Variants in LRMDA observed in about 807,000 individuals in gnomAD.
LRMDA encodes the protein leucine rich melanocyte differentiation associated, also known as leucine-rich melanocyte differentiation-associated protein.
A neutral mutation model predicts 29.8 loss-of-function variants in LRMDA; 18 were observed. The observed-to-expected ratio is 0.60, with a 90% CI of 0.42 to 0.90. LRMDA has a LOEUF of 0.90. Among genes scored for constraint, LRMDA ranks in the 40% least tolerant of loss-of-function variants. The pLI, the probability that LRMDA is intolerant of heterozygous loss-of-function variation, is 0.00. For synonymous variants in LRMDA, 125 were observed against 109.4 expected (o/e 1.14, Z -0.89); for missense variants, 273 against 273.9 (o/e 1.00, Z 0.02).
chr10:76,017,275 C>T (rs1303534566), intron 2 of LRMDA, among the ~76,000 whole-genome samples: 1 of 152,186 alleles, frequency 6.6e-6, no homozygotes, highest in Non-Finnish European at 1.5e-5. Context: ...TAGGCTGGGG[C>T]AGACGCCATG....
At position 76,492,386 on chromosome 10, in the gene LRMDA, G is replaced by A. The variant is rs914511964; in HGVS notation, c.602-64823G>A. ...ATGAGATTTGAGTGTTGTAATCTAA[G>A]CCATATCTACATTAAGGAACACGCC... On this transcript the variant is annotated intron_variant, in intron 6 of 6. Coordinates refer to ENST00000611255, the MANE Select transcript of LRMDA (RefSeq NM_001305581.2). Among the ~76,000 whole-genome samples, 5 of 152,094 alleles carry A rather than the reference G, an allele frequency of 3.3e-5. No homozygotes were observed. In the East Asian group the frequency reaches 9.8e-4, roughly 30 times the overall value.
At chr10:75,977,159 A>C (rs1847088369) in intron 2 of LRMDA, among the ~76,000 whole-genome samples, 1 of 149,918 alleles carries the variant, frequency 6.7e-6, no homozygotes, top group African/African-American at 2.5e-5. Flanking sequence ...AGAGAAGAGA[A>C]TTGTGGGAAA....
At chr10:76,076,955 C>T (rs1848970680) in intron 5 of LRMDA, among the ~76,000 whole-genome samples, 1 of 152,184 alleles carries the variant, frequency 6.6e-6, no homozygotes, top group Non-Finnish European at 1.5e-5. Flanking sequence ...GTTTACTTTT[C>T]TTTGTGCTCC....
chr10:75,823,406 G>A (rs1165268092), intron 2 of LRMDA, among the ~76,000 whole-genome samples: 2 of 152,050 alleles, frequency 1.3e-5, no homozygotes, highest in Non-Finnish European at 2.9e-5. Context: ...AACACAATGA[G>A]ATACCATCTT....
intron 2 of LRMDA, among the ~76,000 whole-genome samples, chr10:75,496,631 A>T (rs1276464294): frequency 6.6e-6 from 1 of 152,100 alleles, no homozygotes; most frequent in African/African-American, 2.4e-5. Flanking sequence ...TTTATGTGAG[A>T]TGGGTATACC....
intron 6 of LRMDA, among the ~76,000 whole-genome samples, chr10:76,519,526 A>G (rs781465494): frequency 2.0e-5 from 3 of 152,210 alleles, no homozygotes; most frequent in Non-Finnish European, 4.4e-5. Context: ...TATGTTTGGC[A>G]GGGAGAAGGA....
At chr10:76,146,308 A>G (rs1445412311) in intron 5 of LRMDA, among the ~76,000 whole-genome samples, 1 of 151,888 alleles carries the variant, frequency 6.6e-6, no homozygotes, top group Non-Finnish European at 1.5e-5. Context: ...GTCTCCCATT[A>G]TTAATGTGTG....
chr10:76,487,923 T>C (rs1383122634), intron 6 of LRMDA, among the ~76,000 whole-genome samples: 1 of 151,890 alleles, frequency 6.6e-6, no homozygotes, highest in Non-Finnish European at 1.5e-5. Flanking sequence ...TCCTTATTTC[T>C]AAATTAAGGA....
chr10:76,387,514 G>A (rs1357456826), intron 6 of LRMDA, among the ~76,000 whole-genome samples: 1 of 151,868 alleles, frequency 6.6e-6, no homozygotes. Context: ...GAGGCAGGAG[G>A]CTAGATTGAG....
intron 5 of LRMDA, among the ~76,000 whole-genome samples, chr10:76,145,217 G>T (rs1414752263): frequency 2.0e-5 from 3 of 152,198 alleles, no homozygotes; most frequent in Non-Finnish European, 2.9e-5. Context: ...AATGAGTTAG[G>T]GAGGATTCCC....
intron 2 of LRMDA, among the ~76,000 whole-genome samples, chr10:75,512,889 G>C (rs1845241954): frequency 6.6e-6 from 1 of 152,068 alleles, no homozygotes; most frequent in Non-Finnish European, 1.5e-5. Context: ...TACCCTACTT[G>C]TTAAACAAAA....
At chr10:76,337,052 G>A (rs1840978370) in intron 6 of LRMDA, among the ~76,000 whole-genome samples, 2 of 152,122 alleles carry the variant, frequency 1.3e-5, no homozygotes, top group South Asian at 4.1e-4. Context: ...ATAGGGCAGT[G>A]AATGTTGGCA....
intron 2 of LRMDA, among the ~76,000 whole-genome samples, chr10:75,530,269 GA>G (rs113474130): frequency 0.021 from 3,098 of 144,538 alleles, 83 homozygotes; most frequent in African/African-American, 0.061. Flanking sequence ...TTTAGAATTT[GA>G]AAAAAAAAAA....
chr10:75,677,474 T>A (rs191645677), intron 2 of LRMDA, among the ~76,000 whole-genome samples: 2 of 152,312 alleles, frequency 1.3e-5, no homozygotes, highest in Admixed American at 1.3e-4. Flanking sequence ...TGTTATTTCA[T>A]TTTTTAAAAA....
intron 2 of LRMDA, among the ~76,000 whole-genome samples, chr10:75,500,425 T>A (rs1282773812): frequency 1.3e-5 from 2 of 152,178 alleles, no homozygotes; most frequent in Non-Finnish European, 2.9e-5. Context: ...CAAGCAAGGG[T>A]CTCATAGCTG....
chr10:75,559,133 T>G (rs1265850988), intron 2 of LRMDA, among the ~76,000 whole-genome samples: 1 of 152,106 alleles, frequency 6.6e-6, no homozygotes, highest in African/African-American at 2.4e-5. Context: ...GTTGAACTAG[T>G]TTACAGTCCC....
intron 6 of LRMDA, among the ~76,000 whole-genome samples, chr10:76,538,360 A>G (rs1051309316): frequency 6.6e-6 from 1 of 150,734 alleles, no homozygotes; most frequent in Non-Finnish European, 1.5e-5. Context: ...GTTTTTTTTT[A>G]ACCTTGTTTT....
chr10:76,386,617 C>T (rs1841663155), intron 6 of LRMDA, among the ~76,000 whole-genome samples: 1 of 151,974 alleles, frequency 6.6e-6, no homozygotes, highest in Non-Finnish European at 1.5e-5. Context: ...AATATCACAC[C>T]CCATATTTGA....
intron 2 of LRMDA, among the ~76,000 whole-genome samples, chr10:75,529,999 T>C (rs1366374554): frequency 6.6e-6 from 1 of 151,492 alleles, no homozygotes; most frequent in Admixed American, 6.6e-5. Flanking sequence ...GAAGGAGAAA[T>C]GAGGGGGAAA....
Sources: allele counts gnomAD v4.1 joint callset (sites outside exome capture counted in the v4.1 genomes callset), GRCh38; gene constraint gnomAD v4.1.1; transcripts MANE v1.5; gene names NCBI Gene and HGNC (gene_info 2026-07-23, HGNC 2026-07-21).